The following MB21D2 variants were observed in gnomAD, a reference collection of about 807,000 sequenced individuals.
MB21D2 encodes nucleotidyltransferase MB21D2.
A neutral mutation model predicts 33.3 loss-of-function variants in MB21D2; 9 were observed. The ratio of observed to expected loss-of-function variants is 0.27; its 90% CI spans 0.16 to 0.47. The LOEUF (loss-of-function observed/expected upper bound fraction) is 0.47, where lower values mean the gene tolerates loss of function less well. Among genes scored for constraint, MB21D2 ranks in the 20% least tolerant of loss-of-function variants. MB21D2 has a pLI of 0.99. For synonymous variants in MB21D2, 241 were observed against 236.3 expected, an observed-to-expected ratio of 1.02 and a Z score of -0.18; for missense variants, 540 against 624.6, an observed-to-expected ratio of 0.86 and a Z score of 1.44.
chr3:192,889,607 T>C (rs186649919), intron 1 of MB21D2, among the ~76,000 whole-genome samples: 14 of 152,000 alleles, frequency 9.2e-5, no homozygotes, highest in Admixed American at 8.5e-4. Context: ...GGCCCTAGAG[T>C]TTATCACAGG....
At chr3:192,860,644 G>C (rs1487645457) in intron 1 of MB21D2, among the ~76,000 whole-genome samples, 2 of 152,178 alleles carry the variant, frequency 1.3e-5, no homozygotes, top group East Asian at 3.9e-4. Context: ...GTCTGCACAT[G>C]GTGCCAGCCC....
intron 1 of MB21D2, among the ~76,000 whole-genome samples, chr3:192,827,033 A>T (rs1246591547): frequency 6.6e-6 from 1 of 151,962 alleles, no homozygotes; most frequent in Admixed American, 6.6e-5. Context: ...CTGAGACTAC[A>T]GTAGGTGCCC....
chr3:192,827,199 T>C (rs748382359), intron 1 of MB21D2, among the ~76,000 whole-genome samples: 9 of 151,896 alleles, frequency 5.9e-5, no homozygotes, highest in Non-Finnish European at 1.3e-4. Flanking sequence ...CCCGGCACCC[T>C]GTCTTTCTTA....
At chr3:192,826,323 T>A (rs747505081) in intron 1 of MB21D2, among the ~76,000 whole-genome samples, 10 of 152,198 alleles carry the variant, frequency 6.6e-5, no homozygotes, top group Non-Finnish European at 1.3e-4. Flanking sequence ...GGCCACTTAA[T>A]ACTGGATGAC....
At chr3:192,904,899 C>T (rs894590179) in intron 1 of MB21D2, among the ~76,000 whole-genome samples, 1 of 152,212 alleles carries the variant, frequency 6.6e-6, no homozygotes, top group Non-Finnish European at 1.5e-5. Context: ...CCTTGGGCTC[C>T]GCAGCTCTGA....
At chr3:192,844,214 A>C (rs1712633433) in intron 1 of MB21D2, among the ~76,000 whole-genome samples, 1 of 152,194 alleles carries the variant, frequency 6.6e-6, no homozygotes. Flanking sequence ...CTCTGTGATG[A>C]TGAAGCCTGG....
chr3:192,859,417 G>C (rs1267768910), intron 1 of MB21D2, among the ~76,000 whole-genome samples: 1 of 152,104 alleles, frequency 6.6e-6, no homozygotes, highest in Non-Finnish European at 1.5e-5. Context: ...TGAGGAGCGG[G>C]GGAAGAAGAC....
intron 1 of MB21D2, among the ~76,000 whole-genome samples, chr3:192,818,973 T>A (rs1008400360): frequency 7.3e-6 from 1 of 136,752 alleles, no homozygotes; most frequent in Non-Finnish European, 1.5e-5. Flanking sequence ...TAACTGAATA[T>A]CCGAGAGGCA....
At chr3:192,909,127 G>A (rs1187952977) in intron 1 of MB21D2, among the ~76,000 whole-genome samples, 3 of 151,750 alleles carry the variant, frequency 2.0e-5, no homozygotes, top group Admixed American at 6.6e-5. Flanking sequence ...ATGGTGGCGG[G>A]CGCCTGTAGT....
intron 1 of MB21D2, among the ~76,000 whole-genome samples, chr3:192,831,093 T>C (rs1712304805): frequency 6.6e-6 from 1 of 152,214 alleles, no homozygotes; most frequent in African/African-American, 2.4e-5. Context: ...GTAAACGTGA[T>C]AGTATGAGAC....
At chr3:192,822,915 G>A (rs768615349) in intron 1 of MB21D2, among the ~76,000 whole-genome samples, 2 of 152,160 alleles carry the variant, frequency 1.3e-5, no homozygotes, top group Non-Finnish European at 2.9e-5. Flanking sequence ...ACCACGCAGA[G>A]GTGATGAGAT....
chr3:192,820,371 T>C (rs6444661), intron 1 of MB21D2, among the ~76,000 whole-genome samples: 86,111 of 151,444 alleles, frequency 0.57, 25,337 homozygotes, highest in African/African-American at 0.73. Flanking sequence ...CTTCGGATAA[T>C]ACAAAATGTA....
chr3:192,859,909 C>A (rs1577186405), intron 1 of MB21D2, among the ~76,000 whole-genome samples: 1 of 152,100 alleles, frequency 6.6e-6, no homozygotes, highest in Non-Finnish European at 1.5e-5. Flanking sequence ...TGGAATAGCA[C>A]CAACGACAGG....
chr3:192,860,144 A>T (rs999155252), intron 1 of MB21D2, among the ~76,000 whole-genome samples: 1 of 152,292 alleles, frequency 6.6e-6, no homozygotes, highest in East Asian at 1.9e-4. Context: ...CAGGCCTCCA[A>T]ACTGTGCCCC....
intron 1 of MB21D2, among the ~76,000 whole-genome samples, chr3:192,904,223 C>T (rs569569508): frequency 6.6e-6 from 1 of 152,310 alleles, no homozygotes; most frequent in African/African-American, 2.4e-5. Context: ...CAAGGACAAA[C>T]ACACAGCAGG....
At chr3:192,854,869 A>G (rs189047242) in intron 1 of MB21D2, among the ~76,000 whole-genome samples, 18 of 152,338 alleles carry the variant, frequency 1.2e-4, no homozygotes, top group Admixed American at 1.2e-3. Flanking sequence ...GAATTACTGA[A>G]TATTTTAAGC....
intron 1 of MB21D2, among the ~76,000 whole-genome samples, chr3:192,871,226 GAA>G (rs777153289): frequency 6.6e-6 from 1 of 152,124 alleles, no homozygotes; most frequent in East Asian, 1.9e-4. Flanking sequence ...CTGGCATGAT[GAA>G]AAGTTACACA....
intron 1 of MB21D2, among the ~76,000 whole-genome samples, chr3:192,888,981 C>G (rs1033136359): frequency 3.9e-5 from 6 of 151,972 alleles, no homozygotes; most frequent in African/African-American, 1.2e-4. Flanking sequence ...TCTCTACCAG[C>G]TCAAATCATG....
Position 192,799,007 on chromosome 3 carries a change from A to G in MB21D2, c.855T>C (p.Asn285=). 6.2e-7 allele frequency: 1 copy of G among 1,614,086 alleles called. No homozygotes were observed. Among genetic ancestry groups the G allele is most frequent in the Admixed American group, 1.7e-5 (1 of 60,026 alleles). Residue 285 remains asparagine, a synonymous_variant, in exon 2 of 2, where the codon AAT becomes AAC. Transcript: ENST00000392452. This position sits in a 1 kb window ranked among gnomAD's most constrained non-coding sequence, Gnocchi z 4.1. The part of the protein sequence containing the change: ...PACSYKGKKD[N]EWRLSFARSE... ...TCCTGGCAAAGGACAGCCGCCATTC[A>G]TTGTCCTTCTTACCCTTGTAGGAGC...
Sources: gnomAD v4.1 joint callset for allele counts (sites outside exome capture counted in the v4.1 genomes callset) on GRCh38, gnomAD v4.1.1 for gene constraint, Gnocchi (gnomAD v3.1) non-coding constraint, MANE v1.5 for transcripts, NCBI Gene and HGNC (gene_info 2026-07-23, HGNC 2026-07-21) for gene names.